GRAMD1C: variants seen among roughly 807,000 people sequenced by gnomAD.
GRAMD1C encodes the protein GRAM domain containing 1C.
Under a neutral mutation model 97.8 loss-of-function variants are expected in GRAMD1C, and 89 were observed. That is an observed-to-expected ratio of 0.91 (90% CI 0.77 to 1.09). The LOEUF (loss-of-function observed/expected upper bound fraction) is 1.09, where lower values mean the gene tolerates loss of function less well. GRAMD1C is among the 50% of genes least tolerant of loss of function. The pLI is 0.00. For synonymous variants in GRAMD1C, 256 were observed against 267.0 expected (o/e 0.96, Z 0.40); for missense variants, 740 against 766.4 (o/e 0.97, Z 0.41).
Position 113,930,718 on chromosome 3 carries a change from A to T in GRAMD1C, c.1095A>T (p.Val365=). 6.5e-7 allele frequency: 1 copy of T among 1,527,418 alleles called. No homozygotes were observed. Among genetic ancestry groups the T allele is most frequent in the Non-Finnish European group, 9.1e-7 (1 of 1,100,946 alleles). 94.6% of individuals were successfully genotyped at this position (1,527,418 alleles called of 1,614,324 possible). A position where few individuals can be genotyped will look rare whatever the true frequency, so the allele number is the denominator to read the frequency against. The part of the protein sequence containing the change: ...KFASSRNIID[V]VSTPWTAELG... ...TTTTGTGTTTGTTGTTGTTAGATGT[A>T]GTATCTACCCCTTGGACTGCAGAAC... The change falls in exon 11 of 18, where the codon GTA becomes GTT. Residue 365 remains valine (V), a synonymous_variant. Transcript: ENST00000358160.
intron 6 of GRAMD1C, chr3:113,885,347 C>T: frequency 3.1e-6 from 5 of 1,592,508 alleles, no homozygotes; most frequent in Non-Finnish European, 4.3e-6. Flanking sequence ...GTGGCCTTCG[C>T]TGCCAAGCTC....
intron 3 of GRAMD1C, among the ~76,000 whole-genome samples, chr3:113,870,289 G>T (rs1309565032): frequency 1.3e-5 from 2 of 151,884 alleles, no homozygotes; most frequent in Non-Finnish European, 2.9e-5. Flanking sequence ...CTGAGCCCAG[G>T]AATTGGAGAC....
chr3:113,857,437 ACG>A (rs1934186623), intron 2 of GRAMD1C, among the ~76,000 whole-genome samples: 1 of 148,870 alleles, frequency 6.7e-6, no homozygotes, highest in African/African-American at 2.5e-5. Flanking sequence ...GTGCAGTGAC[ACG>A]ATCTTGGCTC....
intron 2 of GRAMD1C, among the ~76,000 whole-genome samples, chr3:113,862,193 C>G (rs12487756): frequency 0.3 from 45,244 of 151,990 alleles, 7,094 homozygotes; most frequent in Middle Eastern, 0.39. Flanking sequence ...CAAGAGCAGA[C>G]AACCAGTCTG....
chr3:113,915,692 T>G lies in GRAMD1C; in HGVS notation c.953-9T>G, dbSNP rs748246425. On this transcript the variant is annotated splice_polypyrimidine_tract_variant and intron_variant, in intron 9 of 17. Coordinates refer to ENST00000358160, the MANE Select transcript of GRAMD1C (RefSeq NM_017577.5). ...TCTTCTCTTTTGGTTTGTGTTTCTG[T>G]TTTTCCAGAAAATGTTCCTGAGAAA... 4.4e-6 allele frequency: 7 copies of G among 1,604,096 alleles called. No individual in the cohort carries two copies. Among genetic ancestry groups the G allele is most frequent in the Non-Finnish European group, 6.0e-6 (7 of 1,174,016 alleles).
upstream of GRAMD1C, among the ~76,000 whole-genome samples, chr3:113,833,923 AATT>A (rs1213508379): frequency 1.3e-5 from 2 of 152,172 alleles, no homozygotes; most frequent in Admixed American, 6.5e-5. Context: ...TTCTTTTAAA[AATT>A]ATTATGAAAC....
At chr3:113,936,621 T>C (rs1291092705) in intron 14 of GRAMD1C, 179 bp downstream of exon 14, 1 of 456,682 alleles carries the variant, frequency 2.2e-6, no homozygotes, top group East Asian at 3.5e-5. Flanking sequence ...AAAGGAGCAG[T>C]TGCAAAATGG....
At chr3:113,901,990 T>TGGG (rs754292326) in intron 7 of GRAMD1C, among the ~76,000 whole-genome samples, 143,916 of 152,188 alleles carry the variant, frequency 0.95, 68,170 homozygotes, top group East Asian at 1. Flanking sequence ...TGACTGCAAG[T>TGGG]GACTGCAAAG....
intron 5 of GRAMD1C, among the ~76,000 whole-genome samples, chr3:113,877,733 C>G (rs1935100140): frequency 6.6e-6 from 1 of 151,618 alleles, no homozygotes; most frequent in African/African-American, 2.4e-5. Context: ...TGTCTGCAGA[C>G]TTTAGTATAA....
chr3:113,848,484 A>G (rs374411904), intron 2 of GRAMD1C, among the ~76,000 whole-genome samples: 1 of 138,428 alleles, frequency 7.2e-6, no homozygotes, highest in Non-Finnish European at 1.5e-5. Context: ...TAGGAATCTT[A>G]GTTGTTGTAT....
At chr3:113,857,436 C>T (rs1486377013) in intron 2 of GRAMD1C, among the ~76,000 whole-genome samples, 1 of 149,234 alleles carries the variant, frequency 6.7e-6, no homozygotes, top group Non-Finnish European at 1.5e-5. Flanking sequence ...GGTGCAGTGA[C>T]ACGATCTTGG....
chr3:113,913,363 A>G (rs1936680165), intron 9 of GRAMD1C, among the ~76,000 whole-genome samples: 1 of 151,222 alleles, frequency 6.6e-6, no homozygotes, highest in Non-Finnish European at 1.5e-5. Flanking sequence ...CATCTCTACT[A>G]AAAATACAAA....
chr3:113,896,376 AT>A (rs1250708494), intron 6 of GRAMD1C, among the ~76,000 whole-genome samples: 4 of 150,858 alleles, frequency 2.7e-5, no homozygotes, highest in Non-Finnish European at 5.9e-5. Flanking sequence ...CCACTCCTCT[AT>A]TTTCTCTTTG....
chr3:113,910,821 C>T (rs1936541236), intron 9 of GRAMD1C, among the ~76,000 whole-genome samples: 1 of 152,120 alleles, frequency 6.6e-6, no homozygotes, highest in Non-Finnish European at 1.5e-5. Flanking sequence ...GAGGGACGAT[C>T]CCCCCTGGAG....
intron 10 of GRAMD1C, among the ~76,000 whole-genome samples, chr3:113,927,199 T>A (rs1354024390): frequency 6.6e-6 from 1 of 152,032 alleles, no homozygotes; most frequent in Non-Finnish European, 1.5e-5. Flanking sequence ...CTCTTAACGC[T>A]GCAGCACAAC....
chr3:113,870,694 CA>C (rs1489552803), intron 3 of GRAMD1C, among the ~76,000 whole-genome samples: 1 of 151,974 alleles, frequency 6.6e-6, no homozygotes, highest in African/African-American at 2.4e-5. Flanking sequence ...CACATTACTC[CA>C]TAAACACAAC....
chr3:113,866,461 A>C (rs1193393793), intron 2 of GRAMD1C, among the ~76,000 whole-genome samples: 2 of 152,074 alleles, frequency 1.3e-5, no homozygotes, highest in African/African-American at 4.8e-5. Flanking sequence ...TTGTAGACAA[A>C]ATATAGTTGG....
intron 2 of GRAMD1C, among the ~76,000 whole-genome samples, chr3:113,853,276 A>G (rs1044614530): frequency 5.3e-5 from 8 of 152,232 alleles, no homozygotes; most frequent in African/African-American, 1.7e-4. Flanking sequence ...TGAAAGATAT[A>G]TACGTATTAG....
intron 10 of GRAMD1C, among the ~76,000 whole-genome samples, chr3:113,921,785 T>C (rs1307484582): frequency 6.6e-6 from 1 of 152,184 alleles, no homozygotes; most frequent in Non-Finnish European, 1.5e-5. Context: ...TTTATATCCC[T>C]TGCCCACTTT....
Sources: allele counts gnomAD v4.1 joint callset (sites outside exome capture counted in the v4.1 genomes callset), GRCh38; gene constraint gnomAD v4.1.1; transcripts MANE v1.5; gene names NCBI Gene and HGNC (gene_info 2026-07-23, HGNC 2026-07-21).